SLC9A9: variants seen among roughly 807,000 people sequenced by gnomAD.
The protein encoded by SLC9A9 is sodium/hydrogen exchanger 9.
SLC9A9 carries 62 observed loss-of-function variants against 77.8 expected under a neutral mutation model. The ratio of observed to expected loss-of-function variants is 0.80; its 90% CI spans 0.65 to 0.98. SLC9A9 has a LOEUF of 0.98. Among genes scored for constraint, SLC9A9 ranks in the 50% least tolerant of loss-of-function variants. The pLI, the probability that SLC9A9 is intolerant of heterozygous loss-of-function variation, is 0.00. For synonymous variants in SLC9A9, 320 were observed against 283.5 expected (o/e 1.13, Z -1.29); for missense variants, 775 against 774.9 (o/e 1.00, Z 0.00).
At chr3:143,307,105 C>A (rs985813620) in intron 14 of SLC9A9, among the ~76,000 whole-genome samples, 1 of 152,200 alleles carries the variant, frequency 6.6e-6, no homozygotes, top group Admixed American at 6.5e-5. Flanking sequence ...AGGGTTAGCT[C>A]AGTGATTGCC....
At chr3:143,828,673 C>G (rs1267734553) in intron 2 of SLC9A9, among the ~76,000 whole-genome samples, 1 of 152,014 alleles carries the variant, frequency 6.6e-6, no homozygotes, top group Non-Finnish European at 1.5e-5. Flanking sequence ...CAAGCCAAAA[C>G]TCTAGTAATG....
At chr3:143,811,873 AAAAAAG>A (rs1576744731) in intron 2 of SLC9A9, 2 of 334,274 alleles carry the variant, frequency 6.0e-6, no homozygotes, top group Admixed American at 4.5e-5. Context: ...AAAGAAAAAA[AAAAAAG>A]AAAAAGAAAA....
intron 6 of SLC9A9, among the ~76,000 whole-genome samples, chr3:143,623,054 G>A (rs1346641660): frequency 1.3e-5 from 2 of 152,194 alleles, no homozygotes; most frequent in Non-Finnish European, 2.9e-5. Context: ...AATTCAACAA[G>A]AAGAGCTAAC....
chr3:143,826,817 G>A (rs1252128549), intron 2 of SLC9A9, among the ~76,000 whole-genome samples: 1 of 151,992 alleles, frequency 6.6e-6, no homozygotes, highest in Non-Finnish European at 1.5e-5. Flanking sequence ...TATCATCAGA[G>A]TCAATCAACT....
chr3:143,450,247 A>T (rs2034980714), intron 12 of SLC9A9, among the ~76,000 whole-genome samples: 1 of 142,626 alleles, frequency 7.0e-6, no homozygotes, highest in Non-Finnish European at 1.5e-5. Flanking sequence ...CATATAATTT[A>T]TATATTGTAA....
chr3:143,532,096 A>C (rs2036518537), intron 9 of SLC9A9, among the ~76,000 whole-genome samples: 1 of 152,266 alleles, frequency 6.6e-6, no homozygotes, highest in African/African-American at 2.4e-5. Context: ...ATTTATCATT[A>C]TTTTAAAATA....
At chr3:143,781,908 T>C (rs2108847915) in intron 4 of SLC9A9, among the ~76,000 whole-genome samples, 1 of 152,336 alleles carries the variant, frequency 6.6e-6, no homozygotes, top group Admixed American at 6.5e-5. Flanking sequence ...TAGTTAAGAT[T>C]GACTTCTATT....
intron 8 of SLC9A9, among the ~76,000 whole-genome samples, chr3:143,567,137 A>C (rs2037181688): frequency 6.6e-6 from 1 of 152,128 alleles, no homozygotes; most frequent in African/African-American, 2.4e-5. Context: ...CACAGAGAGA[A>C]TTCCTTAGGG....
At chr3:143,806,737 T>TTG (rs1553724402) in intron 2 of SLC9A9, among the ~76,000 whole-genome samples, 49 of 148,844 alleles carry the variant, frequency 3.3e-4, no homozygotes, top group African/African-American at 1.2e-3. Flanking sequence ...TATGTGGTGG[T>TTG]GGGGGGGGCA....
intron 5 of SLC9A9, among the ~76,000 whole-genome samples, chr3:143,679,566 C>T (rs983287423): frequency 5.9e-5 from 9 of 152,186 alleles, no homozygotes; most frequent in Non-Finnish European, 1.3e-4. Flanking sequence ...AGTGCATTCC[C>T]CCAGCTGTAA....
intron 4 of SLC9A9, among the ~76,000 whole-genome samples, chr3:143,793,198 A>G (rs948818358): frequency 6.6e-6 from 1 of 152,174 alleles, no homozygotes; most frequent in African/African-American, 2.4e-5. Flanking sequence ...CAGTAAATGA[A>G]AACCACTGGA....
chr3:143,482,383 T>G (rs2035588248), intron 11 of SLC9A9, among the ~76,000 whole-genome samples: 1 of 152,240 alleles, frequency 6.6e-6, no homozygotes, highest in Admixed American at 6.5e-5. Context: ...ATCCATGTAC[T>G]GTGGTGACAT....
chr3:143,397,578 G>T (rs532683525), intron 12 of SLC9A9, among the ~76,000 whole-genome samples: 1 of 152,186 alleles, frequency 6.6e-6, no homozygotes, highest in Non-Finnish European at 1.5e-5. Context: ...AGAATGATAT[G>T]ATGCCAGAAG....
intron 4 of SLC9A9, among the ~76,000 whole-genome samples, chr3:143,697,078 G>C (rs1366042622): frequency 6.6e-6 from 1 of 151,584 alleles, no homozygotes; most frequent in Non-Finnish European, 1.5e-5. Context: ...TCAAATGAAT[G>C]AATAACATAA....
chr3:143,306,222 T>C (rs2030775890), intron 14 of SLC9A9, among the ~76,000 whole-genome samples: 1 of 152,200 alleles, frequency 6.6e-6, no homozygotes, highest in Admixed American at 6.5e-5. Context: ...AGAGGTTTGT[T>C]GGCAGAAGGT....
chr3:143,540,555 G>A (rs1379555985), intron 9 of SLC9A9, among the ~76,000 whole-genome samples: 3 of 152,074 alleles, frequency 2.0e-5, no homozygotes, highest in African/African-American at 7.2e-5. Context: ...GTGATAAAAG[G>A]ATAAAACAAT....
chr3:143,467,052 G>A lies in SLC9A9; in HGVS notation c.1454C>T (p.Thr485Ile), dbSNP rs761464992. Residue 485 changes from threonine to isoleucine, a missense_variant, in exon 12 of 16, where the codon ACT becomes ATT. Transcript: ENST00000316549. ...TGTCACTCACCTGATCTGAAGCCAA[G>A]TCAACATGGGGGTTGTTCCTCCTCC... ...VFGGGTTPML[T>I]WLQIRVGVDL... 1.9e-6 allele frequency: 3 copies of A among 1,613,754 alleles called. No homozygotes were observed. Among genetic ancestry groups the A allele is most frequent in the Admixed American group, 1.7e-5 (1 of 59,968 alleles).
intron 1 of SLC9A9, among the ~76,000 whole-genome samples, chr3:143,845,400 A>T (rs1362076546): frequency 6.6e-6 from 1 of 152,220 alleles, no homozygotes; most frequent in African/African-American, 2.4e-5. Context: ...AGACTATTTT[A>T]TTACATTACT....
At chr3:143,564,417 G>A (rs768745705) in intron 8 of SLC9A9, among the ~76,000 whole-genome samples, 1 of 152,114 alleles carries the variant, frequency 6.6e-6, no homozygotes, top group African/African-American at 2.4e-5. Context: ...CACAGAAAGA[G>A]AATGAATAAG....
Sources: allele counts gnomAD v4.1 joint callset (sites outside exome capture counted in the v4.1 genomes callset), GRCh38; gene constraint gnomAD v4.1.1; transcripts MANE v1.5; gene names NCBI Gene and HGNC (gene_info 2026-07-23, HGNC 2026-07-21).